The following CSMD3 variants were observed in gnomAD, a reference collection of about 807,000 sequenced individuals.
The protein encoded by CSMD3 is CUB and Sushi multiple domains 3.
Under a neutral mutation model 435.2 loss-of-function variants are expected in CSMD3, and 177 were observed. That is an observed-to-expected ratio of 0.41 (90% CI 0.36 to 0.46). CSMD3 has a LOEUF of 0.46. Among genes scored for constraint, CSMD3 ranks in the 20% least tolerant of loss-of-function variants. CSMD3 has a pLI of 0.34. For synonymous variants in CSMD3, 1,656 were observed against 1,520.5 expected (o/e 1.09, Z -2.07); for missense variants, 4,265 against 4,504.6 (o/e 0.95, Z 1.52).
intron 4 of CSMD3, among the ~76,000 whole-genome samples, chr8:113,115,213 A>C (rs1278809019): frequency 1.3e-5 from 2 of 152,254 alleles, no homozygotes; most frequent in Non-Finnish European, 2.9e-5. Flanking sequence ...AGATCTGACC[A>C]GTCCCTTGAA....
chr8:112,619,518 T>A (rs1234428251), intron 22 of CSMD3, among the ~76,000 whole-genome samples: 1 of 152,122 alleles, frequency 6.6e-6, no homozygotes, highest in Non-Finnish European at 1.5e-5. Context: ...TCTCAGCTCA[T>A]GATCCTGCTT....
chr8:112,859,112 T>C (rs2129854739), intron 11 of CSMD3, 33 bp downstream of exon 11: 1 of 1,468,114 alleles, frequency 6.8e-7, no homozygotes, highest in South Asian at 1.2e-5. Flanking sequence ...TGATTATGAC[T>C]TTTTTTTTAA....
intron 4 of CSMD3, among the ~76,000 whole-genome samples, chr8:113,168,364 A>C (rs2092195692): frequency 6.6e-6 from 1 of 151,586 alleles, no homozygotes; most frequent in Admixed American, 6.6e-5. Context: ...CTACTGAAAA[A>C]ACAAAAATTA....
intron 39 of CSMD3, among the ~76,000 whole-genome samples, chr8:112,351,759 T>G (rs1009501453): frequency 1.1e-4 from 17 of 152,008 alleles, no homozygotes; most frequent in Non-Finnish European, 2.1e-4. Context: ...GACTATAAAT[T>G]ATTAATTTTT....
intron 2 of CSMD3, among the ~76,000 whole-genome samples, chr8:113,306,240 A>G (rs1289624118): frequency 2.6e-5 from 4 of 152,200 alleles, no homozygotes; most frequent in Non-Finnish European, 5.9e-5. Flanking sequence ...GTCAGACAGT[A>G]GAGCCTCTGC....
intron 2 of CSMD3, among the ~76,000 whole-genome samples, chr8:113,289,687 T>C (rs1222571826): frequency 6.6e-6 from 1 of 151,850 alleles, no homozygotes. Context: ...ATTTCAAAGA[T>C]ATCTATCAGA....
At position 112,797,973 on chromosome 8, in the gene CSMD3, C is replaced by T. The variant is rs868699089; in HGVS notation, c.1972+2189G>A. Among the ~76,000 whole-genome samples the T allele has an allele frequency of 4.0e-5, 6 of 151,712 alleles. No individual in the cohort carries two copies. In the South Asian group the frequency reaches 1.2e-3, roughly 31 times the overall value. ...TAATTGAACAAATAATTATTAGCTACCTATAATGATGGCATGGATATTGCT... is the reference window on the plus strand; with the variant it reads ...TAATTGAACAAATAATTATTAGCTATCTATAATGATGGCATGGATATTGCT... On this transcript the variant is annotated intron_variant, in intron 13 of 70. Coordinates refer to ENST00000297405, the MANE Select transcript of CSMD3 (RefSeq NM_198123.2).
At chr8:113,178,088 T>A (rs1007939474) in intron 3 of CSMD3, among the ~76,000 whole-genome samples, 4 of 151,938 alleles carry the variant, frequency 2.6e-5, no homozygotes, top group African/African-American at 9.7e-5. Flanking sequence ...TATGTACTAG[T>A]TAATACTACA....
chr8:112,937,876 A>T (rs1312826003), intron 9 of CSMD3, among the ~76,000 whole-genome samples: 1 of 152,156 alleles, frequency 6.6e-6, no homozygotes, highest in African/African-American at 2.4e-5. Flanking sequence ...TTGGAGATTG[A>T]TGATTAAAAA....
intron 53 of CSMD3, among the ~76,000 whole-genome samples, chr8:112,298,433 T>G (rs1820555514): frequency 1.3e-5 from 2 of 152,056 alleles, no homozygotes; most frequent in African/African-American, 4.8e-5. Flanking sequence ...ATATAAAAGT[T>G]AAAGCTAAAA....
chr8:112,387,261 CAT>C (rs1280697754), intron 36 of CSMD3, among the ~76,000 whole-genome samples: 1 of 152,068 alleles, frequency 6.6e-6, no homozygotes, highest in African/African-American at 2.4e-5. Context: ...TTCAGCATTC[CAT>C]ATGTTTCTTC....
intron 3 of CSMD3, among the ~76,000 whole-genome samples, chr8:113,184,431 C>G (rs1004405864): frequency 1.3e-5 from 2 of 151,944 alleles, no homozygotes; most frequent in African/African-American, 4.8e-5. Flanking sequence ...GGTGGCCAGC[C>G]TCAACCTTGA....
rs139959359 is a variant in CSMD3, at chr8:112,329,456, C to T, written c.7165+5873G>A. ...CTTCTAGAAAAAATACTAAGATATCCAATCATAAAACTGCTCAAATTTTCT... is the reference window on the plus strand; with the variant it reads ...CTTCTAGAAAAAATACTAAGATATCTAATCATAAAACTGCTCAAATTTTCT... On this transcript the variant is annotated intron_variant, in intron 45 of 70. Coordinates refer to ENST00000297405, the MANE Select transcript of CSMD3 (RefSeq NM_198123.2). Among the ~76,000 whole-genome samples the T allele has an allele frequency of 6.7e-3, 1,023 of 152,010 alleles. 8 individuals are homozygous for T. Among genetic ancestry groups the T allele is most frequent in the Middle Eastern group, 0.02 (6 of 294 alleles).
intron 13 of CSMD3, among the ~76,000 whole-genome samples, chr8:112,695,896 A>G (rs2076242824): frequency 6.6e-6 from 1 of 152,196 alleles, no homozygotes; most frequent in African/African-American, 2.4e-5. Flanking sequence ...TCAGGACACA[A>G]AACCAATGTG....
intron 34 of CSMD3, among the ~76,000 whole-genome samples, chr8:112,407,845 C>T (rs925304604): frequency 2.0e-5 from 3 of 151,898 alleles, no homozygotes; most frequent in Non-Finnish European, 4.4e-5. Flanking sequence ...CTTCTAATTG[C>T]ACAAAAGTCC....
intron 22 of CSMD3, among the ~76,000 whole-genome samples, chr8:112,594,361 G>A (rs1479299122): frequency 6.6e-6 from 1 of 152,166 alleles, no homozygotes; most frequent in African/African-American, 2.4e-5. Flanking sequence ...CGGCTCGGAG[G>A]GTCCTACGCC....
intron 5 of CSMD3, among the ~76,000 whole-genome samples, chr8:113,037,978 A>C (rs1038764190): frequency 6.6e-6 from 1 of 152,160 alleles, no homozygotes; most frequent in African/African-American, 2.4e-5. Context: ...AAAATAATGG[A>C]AACACCCGTG....
intron 35 of CSMD3, among the ~76,000 whole-genome samples, chr8:112,405,114 C>T (rs1272902353): frequency 5.2e-5 from 7 of 134,876 alleles, no homozygotes; most frequent in Admixed American, 8.0e-5. Context: ...ACCTGGGAGG[C>T]GGAAGTTGCA....
intron 5 of CSMD3, among the ~76,000 whole-genome samples, chr8:113,089,214 T>A (rs746491939): frequency 2.0e-5 from 3 of 152,176 alleles, no homozygotes; most frequent in African/African-American, 7.2e-5. Context: ...ACATCACTCT[T>A]GGTTTTCCTC....
Sources: allele counts gnomAD v4.1 joint callset (sites outside exome capture counted in the v4.1 genomes callset), GRCh38; gene constraint gnomAD v4.1.1; transcripts MANE v1.5; gene names NCBI Gene and HGNC (gene_info 2026-07-23, HGNC 2026-07-21).